KIF22: variants seen among roughly 807,000 people sequenced by gnomAD.
KIF22 encodes kinesin family member 22.
Under a neutral mutation model 73.0 loss-of-function variants are expected in KIF22, and 62 were observed. The observed-to-expected ratio is 0.85, with a 90% CI of 0.69 to 1.05. KIF22 has a LOEUF of 1.05. Among genes scored for constraint, KIF22 ranks in the 50% least tolerant of loss-of-function variants. The pLI is 0.00. For missense variants in KIF22, 854 were observed against 870.1 expected (o/e 0.98, Z 0.23); for synonymous variants, 411 against 340.1 (o/e 1.21, Z -2.29).
chr16:29,796,834 T>C, intron 1 of KIF22, 59 bp from the exon 2 acceptor site: 1 of 1,559,926 alleles, frequency 6.4e-7, no homozygotes, highest in Non-Finnish European at 8.8e-7. Context: ...GCAAAGTTGG[T>C]CCCTGCTTCT....
intron 8 of KIF22, among the ~76,000 whole-genome samples, chr16:29,802,095 C>T (rs1899156297): frequency 6.6e-6 from 1 of 151,686 alleles, no homozygotes; most frequent in Non-Finnish European, 1.5e-5. Flanking sequence ...AGTAAGACCC[C>T]ATCTCTACAA....
At chr16:29,801,124 T>C (rs952399714) in intron 8 of KIF22, among the ~76,000 whole-genome samples, 2 of 152,150 alleles carry the variant, frequency 1.3e-5, no homozygotes, top group East Asian at 3.9e-4. Context: ...CTGTCCTAAC[T>C]GCGTCTACCC....
Position 29,799,068 on chromosome 16 carries a change from A to G in KIF22, c.643A>G (p.Ile215Val), listed in dbSNP as rs538207110. 7.4e-6 allele frequency: 12 copies of G among 1,614,208 alleles called. No homozygotes were observed. In the Admixed American group the frequency reaches 1.3e-4, roughly 18 times the overall value. Residue 215 changes from isoleucine (I) to valine (V), a missense_variant, in exon 5 of 14, where the codon ATC (isoleucine) becomes GTC (valine). This residue lies in a region of KIF22 where 245 missense variants were observed against 351.8 expected (regional missense o/e 0.70). Coordinates refer to ENST00000160827, the MANE Select transcript of KIF22 (RefSeq NM_007317.3). ...ILIPGLSQKP[I>V]SSFADFERHF... ...GATTCCGGGTCTCTCCCAGAAGCCC[A>G]TCAGTAGCTTTGCTGATTTTGAGCG...
chr16:29,793,908 G>A (rs147231463), intron 1 of KIF22, among the ~76,000 whole-genome samples: 37 of 152,212 alleles, frequency 2.4e-4, no homozygotes, highest in African/African-American at 8.2e-4. Flanking sequence ...GCATACTTCT[G>A]GGAGGTCCAA....
chr16:29,799,744 C>G lies in KIF22; in HGVS notation c.1107C>G (p.Ile369Met). 1 of 1,613,136 alleles carries G rather than the reference C, an allele frequency of 6.2e-7. No individual in the cohort carries two copies. Among genetic ancestry groups the G allele is most frequent in the Non-Finnish European group, 8.5e-7 (1 of 1,179,528 alleles). Reference protein sequence around the residue: ...LNFAARSKEVINRPFTNESLQ... With the variant: ...LNFAARSKEVMNRPFTNESLQ... The stretch of plus-strand genomic sequence containing the variant: ...TTGCTGCCAGGTCCAAGGAGGTGAT[C>G]AATCGGCCTTTTACCAATGAGAGCC... Residue 369 changes from isoleucine to methionine, a missense_variant, in exon 7 of 14, where the codon ATC becomes ATG. Physicochemically the swap from Ile to Met is conservative, Grantham distance 10 (BLOSUM62 1). Coordinates refer to ENST00000160827, the MANE Select transcript of KIF22 (RefSeq NM_007317.3).
chr16:29,802,644 G>A (rs1193600098), intron 8 of KIF22, 125 bp from the exon 9 acceptor site: 2 of 886,478 alleles, frequency 2.3e-6, no homozygotes, highest in Non-Finnish European at 3.3e-6. Context: ...TGGATGCCTA[G>A]CAAGTTAACA....
At position 29,804,855 on chromosome 16, in the gene KIF22, G is replaced by C; in HGVS notation, c.1719G>C (p.Glu573Asp). 6.2e-7 allele frequency: 1 copy of C among 1,613,520 alleles called. No homozygotes were observed. The highest frequency in any genetic ancestry group is 8.5e-7 in the Non-Finnish European group (1 of 1,179,824). Residue 573 changes from glutamate to aspartate, a missense_variant, in exon 12 of 14, where the codon GAG becomes GAC. Coordinates refer to ENST00000160827, the MANE Select transcript of KIF22 (RefSeq NM_007317.3). Reference sequence around the variant, plus strand: ...CCCTAGAGCCTGAGGAGAAGGCTGAGGACTGCTGGGAGCTACAGATCAGCC... The same window carrying C: ...CCCTAGAGCCTGAGGAGAAGGCTGACGACTGCTGGGAGCTACAGATCAGCC... ...LDALEPEEKA[E>D]DCWELQISPE... is the part of the protein sequence containing the mutation.
Position 29,798,861 on chromosome 16 carries a change from G to A in KIF22, c.549+114G>A. 2.6e-6 allele frequency: 4 copies of A among 1,532,950 alleles called. No individual in the cohort carries two copies. Among genetic ancestry groups the A allele is most frequent in the African/African-American group, 1.4e-5 (1 of 72,772 alleles). The allele number at this position is 1,532,950 out of a possible 1,614,324, so 95.0% of individuals were successfully genotyped here. A position where few individuals can be genotyped will look rare whatever the true frequency, so the allele number is the denominator to read the frequency against. On this transcript the variant is annotated intron_variant, in intron 4 of 13. Coordinates refer to ENST00000160827, the MANE Select transcript of KIF22 (RefSeq NM_007317.3). The surrounding 1 kb of genome is among the most constrained non-coding windows in gnomAD (Gnocchi z 4.1). ...GTAAGGTGAGACCTAGAAAGACAGAGACTGGGGTAGCAGATGGTACAACTC... is the reference window on the plus strand; with the variant it reads ...GTAAGGTGAGACCTAGAAAGACAGAAACTGGGGTAGCAGATGGTACAACTC...
chr16:29,799,620 A>G lies in KIF22; in HGVS notation c.991-8A>G. The stretch of plus-strand genomic sequence containing the variant: ...TCTGACCCACCCACTGCCTGGTCTC[A>G]CCCTCAGGACTCTCTGGGTGGCTCA... On this transcript the variant is annotated splice_polypyrimidine_tract_variant and splice_region_variant and intron_variant, in intron 6 of 13. Coordinates refer to ENST00000160827, the MANE Select transcript of KIF22 (RefSeq NM_007317.3). 1 of 1,613,878 alleles carries G rather than the reference A, an allele frequency of 6.2e-7. No individual in the cohort carries two copies. Among genetic ancestry groups the G allele is most frequent in the South Asian group, 1.1e-5 (1 of 91,048 alleles).
In KIF22 at chr16:29,797,826, A is replaced by G. The variant is rs1183839731; in HGVS notation, c.267-548A>G. 6.6e-6 allele frequency among the ~76,000 whole-genome samples: 1 copy of G among 152,176 alleles called. No individual in the cohort carries two copies. The highest frequency in any genetic ancestry group is 1.5e-5 in the Non-Finnish European group (1 of 68,032). Reference sequence around the variant, plus strand: ...ATATTAAACTCCCTGCTGTGGCCTAAGCTGCACTTCTCCACCAGAACGCAG... The same window carrying G: ...ATATTAAACTCCCTGCTGTGGCCTAGGCTGCACTTCTCCACCAGAACGCAG... On this transcript the variant is annotated intron_variant, in intron 2 of 13. Transcript: ENST00000160827. This position sits in a 1 kb window ranked among gnomAD's most constrained non-coding sequence, Gnocchi z 4.1.
intron 11 of KIF22, 79 bp downstream of exon 11, chr16:29,804,144 C>T: frequency 8.3e-7 from 1 of 1,205,518 alleles, no homozygotes; most frequent in East Asian, 2.3e-5. Context: ...GGAGCGTTGG[C>T]CTTGGGGTTA....
chr16:29,803,041 TTTCTC>T (rs1899196887), intron 9 of KIF22, 104 bp downstream of exon 9: 8 of 1,147,848 alleles, frequency 7.0e-6, no homozygotes, highest in Non-Finnish European at 6.3e-6. Context: ...AGAGTCCAGT[TTTCTC>T]CCAATACCGG....
intron 1 of KIF22, chr16:29,792,472 C>G (rs1401919629): frequency 1.1e-6 from 1 of 881,772 alleles, no homozygotes; most frequent in South Asian, 5.2e-5. Context: ...TCAGCAAATA[C>G]TTCTTGAGGG....
In KIF22 at chr16:29,797,230, G is replaced by A; in HGVS notation, c.266+142G>A. ...AGCCTTCACTGTTCACTTAGGAAAT[G>A]TTGACAGGTGCCCCCATGATGGGCC... On this transcript the variant is annotated intron_variant, in intron 2 of 13. Coordinates refer to ENST00000160827, the MANE Select transcript of KIF22 (RefSeq NM_007317.3). This position sits in a 1 kb window ranked among gnomAD's most constrained non-coding sequence, Gnocchi z 4.1. 1.6e-6 allele frequency: 1 copy of A among 620,294 alleles called. No homozygotes were observed. The highest frequency in any genetic ancestry group is 2.7e-6 in the Non-Finnish European group (1 of 365,490). 38.4% of individuals were successfully genotyped at this position (620,294 alleles called of 1,614,324 possible).
rs1898991847 is a variant in KIF22, at chr16:29,797,864, T to G, written c.267-510T>G. Among the ~76,000 whole-genome samples, 1 of 152,186 alleles carries G rather than the reference T, an allele frequency of 6.6e-6. No homozygotes were observed. Among genetic ancestry groups the G allele is most frequent in the African/African-American group, 2.4e-5 (1 of 41,440 alleles). ...CACCAGAACGCAGTGGATAGGTGAT[T>G]GGTATGTAGAGTCTAGTTCAGTCAT... On this transcript the variant is annotated intron_variant, in intron 2 of 13. Transcript: ENST00000160827. This position sits in a 1 kb window ranked among gnomAD's most constrained non-coding sequence, Gnocchi z 4.1.
At chr16:29,795,283 G>T (rs1046968746) in intron 1 of KIF22, among the ~76,000 whole-genome samples, 1 of 152,206 alleles carries the variant, frequency 6.6e-6, no homozygotes, top group Non-Finnish European at 1.5e-5. Context: ...GTGAGAAATG[G>T]TATTAGTAGC....
Position 29,798,521 on chromosome 16 carries a change from A to C in KIF22, c.394+20A>C, listed in dbSNP as rs1899015548. The C allele has an allele frequency of 1.2e-6, 2 of 1,613,920 alleles. No individual in the cohort carries two copies. The highest frequency in any genetic ancestry group is 2.7e-5 in the African/African-American group (2 of 74,904). On this transcript the variant is annotated intron_variant, in intron 3 of 13. Transcript: ENST00000160827. This position sits in a 1 kb window ranked among gnomAD's most constrained non-coding sequence, Gnocchi z 4.1. ...GAGCTGGTGAGGGAGCCAGAAAAGA[A>C]ACAGCTATGGGTCAGAAAGGGCTGG...
rs1355972237 is a variant in KIF22 at position 29,798,649 on chromosome 16, C to G, written c.451C>G (p.Leu151Val). 6.2e-7 allele frequency: 1 copy of G among 1,614,174 alleles called. No homozygotes were observed. The highest frequency in any genetic ancestry group is 8.5e-7 in the Non-Finnish European group (1 of 1,180,036). ...PEQPGVIPRA[L>V]MDLLQLTREE... ...GCAACCTGGGGTGATCCCGCGGGCT[C>G]TCATGGACCTCCTGCAGCTCACAAG... The change falls in exon 4 of 14, where the codon CTC becomes GTC. Residue 151 changes from leucine (L) to valine (V), a missense_variant. This residue lies in a region of KIF22 where 245 missense variants were observed against 351.8 expected (regional missense o/e 0.70). Coordinates refer to ENST00000160827, the MANE Select transcript of KIF22 (RefSeq NM_007317.3). This position sits in a 1 kb window ranked among gnomAD's most constrained non-coding sequence, Gnocchi z 4.1.
chr16:29,805,200 C>G, intron 13 of KIF22, 26 bp downstream of exon 13: 2 of 1,614,138 alleles, frequency 1.2e-6, no homozygotes, highest in Non-Finnish European at 1.7e-6. Context: ...TGCCCCTCCT[C>G]TGCCTGTCCT....
Sources: gnomAD v4.1 joint callset for allele counts (sites outside exome capture counted in the v4.1 genomes callset) on GRCh38, gnomAD v4.1.1 for gene constraint, gnomAD v4.1.1 regional missense constraint, Gnocchi (gnomAD v3.1) non-coding constraint, MANE v1.5 for transcripts, NCBI Gene and HGNC (gene_info 2026-07-23, HGNC 2026-07-21) for gene names.